Variants in SPATA16 observed in about 807,000 individuals in gnomAD.
SPATA16 encodes spermatogenesis-associated protein 16.
In SPATA16, 36 loss-of-function variants were observed where a neutral mutation model predicts 63.3. The ratio of observed to expected loss-of-function variants is 0.57; its 90% CI spans 0.44 to 0.75. The LOEUF (loss-of-function observed/expected upper bound fraction) is 0.75, where lower values mean the gene tolerates loss of function less well. Among genes scored for constraint, SPATA16 ranks in the 30% least tolerant of loss-of-function variants. SPATA16 has a pLI of 0.00. For missense variants in SPATA16, 646 were observed against 679.3 expected (o/e 0.95, Z 0.54); for synonymous variants, 203 against 216.7 (o/e 0.94, Z 0.56).
chr3:173,135,260 T>C (rs558881312), intron 1 of SPATA16, among the ~76,000 whole-genome samples: 4 of 152,314 alleles, frequency 2.6e-5, no homozygotes, highest in African/African-American at 7.2e-5. Context: ...CACAGGTTGA[T>C]ACCACAGCAA....
chr3:173,125,931 T>C (rs1309771759), intron 1 of SPATA16, among the ~76,000 whole-genome samples: 1 of 152,264 alleles, frequency 6.6e-6, no homozygotes, highest in African/African-American at 2.4e-5. Flanking sequence ...CTTTTTGTTG[T>C]TGTTGTTGCA....
chr3:172,938,681 A>G (rs1390919860), intron 6 of SPATA16, among the ~76,000 whole-genome samples: 4 of 152,220 alleles, frequency 2.6e-5, no homozygotes, highest in Non-Finnish European at 5.9e-5. Context: ...AAAGTAAAGT[A>G]AATAAATAAC....
intron 1 of SPATA16, among the ~76,000 whole-genome samples, chr3:173,127,918 A>G (rs549240801): frequency 2.0e-5 from 3 of 152,312 alleles, no homozygotes; most frequent in African/African-American, 7.2e-5. Flanking sequence ...GCCTGAACCA[A>G]TCTAAACTAT....
intron 2 of SPATA16, among the ~76,000 whole-genome samples, chr3:173,098,785 GA>G (rs1295007292): frequency 6.6e-6 from 1 of 152,040 alleles, no homozygotes; most frequent in African/African-American, 2.4e-5. Context: ...GATAGTAAAG[GA>G]AAAAATTATG....
intron 2 of SPATA16, among the ~76,000 whole-genome samples, chr3:173,078,399 T>C (rs543019275): frequency 1.2e-3 from 178 of 152,254 alleles, no homozygotes; most frequent in Non-Finnish European, 2.1e-3. Context: ...AGAGGACAAA[T>C]GTATTGAAAA....
intron 10 of SPATA16, among the ~76,000 whole-genome samples, chr3:172,898,383 G>A (rs1244200479): frequency 2.6e-5 from 4 of 151,934 alleles, no homozygotes; most frequent in Non-Finnish European, 5.9e-5. Flanking sequence ...GATGTCTGGG[G>A]AGTTTATAAT....
chr3:173,107,470 T>TTA (rs1553803752), intron 2 of SPATA16, among the ~76,000 whole-genome samples: 1 of 151,650 alleles, frequency 6.6e-6, no homozygotes, highest in Non-Finnish European at 1.5e-5. Context: ...TTTTTTTTTT[T>TTA]ACTCCCTAAG....
intron 2 of SPATA16, among the ~76,000 whole-genome samples, chr3:173,095,619 A>G (rs540498792): frequency 1.5e-3 from 233 of 152,260 alleles, no homozygotes; most frequent in Non-Finnish European, 2.6e-3. Context: ...GTTGGGTATC[A>G]TATTTGACTA....
At chr3:173,061,941 T>C (rs1044131703) in intron 2 of SPATA16, among the ~76,000 whole-genome samples, 1 of 152,166 alleles carries the variant, frequency 6.6e-6, no homozygotes, top group Non-Finnish European at 1.5e-5. Flanking sequence ...CTCTATTAAA[T>C]TTATGCCAAA....
At chr3:173,135,012 T>TA (rs1738501358) in intron 1 of SPATA16, among the ~76,000 whole-genome samples, 1 of 152,202 alleles carries the variant, frequency 6.6e-6, no homozygotes, top group Non-Finnish European at 1.5e-5. Flanking sequence ...AACACATCTT[T>TA]AAAAATGAAA....
At chr3:173,136,546 G>A (rs6445104) in intron 1 of SPATA16, among the ~76,000 whole-genome samples, 38,178 of 151,900 alleles carry the variant, frequency 0.25, 6,618 homozygotes, top group African/African-American at 0.5. Flanking sequence ...GTACAGTTAA[G>A]TTATTATTGA....
intron 4 of SPATA16, among the ~76,000 whole-genome samples, chr3:173,011,340 G>C (rs867591144): frequency 6.6e-6 from 1 of 152,130 alleles, no homozygotes; most frequent in Non-Finnish European, 1.5e-5. Flanking sequence ...CACAGAAAAA[G>C]CTTCCAATAA....
intron 6 of SPATA16, among the ~76,000 whole-genome samples, chr3:172,927,704 A>G (rs981977950): frequency 2.4e-4 from 36 of 152,312 alleles, no homozygotes; most frequent in African/African-American, 8.4e-4. Context: ...CTGGATGCCA[A>G]AGTACAAAGG....
intron 2 of SPATA16, among the ~76,000 whole-genome samples, chr3:173,080,247 G>A (rs562700971): frequency 1.3e-5 from 2 of 152,232 alleles, no homozygotes; most frequent in African/African-American, 2.4e-5. Context: ...AGAATCCACC[G>A]AAGTATCTTT....
In SPATA16 at chr3:172,967,578, G is replaced by A. The variant is rs573907524; in HGVS notation, c.933+9390C>T. Among the ~76,000 whole-genome samples, 299 of 152,306 alleles carry A rather than the reference G, an allele frequency of 2.0e-3. 1 individual carries two copies. Among genetic ancestry groups the A allele is most frequent in the African/African-American group, 6.8e-3 (282 of 41,554 alleles). ...TGGTTACAGCCTACTATAGCTCAGA[G>A]ATCCCCAACCAGGCCACAAAGCAGG... On this transcript the variant is annotated intron_variant, in intron 5 of 10. Coordinates refer to ENST00000351008, the MANE Select transcript of SPATA16 (RefSeq NM_031955.6).
chr3:172,944,970 A>C (rs1226589970), intron 6 of SPATA16, among the ~76,000 whole-genome samples: 2 of 152,230 alleles, frequency 1.3e-5, no homozygotes, highest in African/African-American at 4.8e-5. Flanking sequence ...AAAGTGTTTA[A>C]AATGGTACAT....
At chr3:173,011,325 A>G (rs1325542625) in intron 4 of SPATA16, among the ~76,000 whole-genome samples, 1 of 152,256 alleles carries the variant, frequency 6.6e-6, no homozygotes, top group Non-Finnish European at 1.5e-5. Context: ...TATCATCTAA[A>G]TAGACACAGA....
intron 10 of SPATA16, among the ~76,000 whole-genome samples, chr3:172,907,682 T>C (rs1162394181): frequency 1.3e-5 from 2 of 152,092 alleles, no homozygotes; most frequent in Non-Finnish European, 2.9e-5. Context: ...TTCAAGCGAT[T>C]CTTCTGCCTC....
intron 1 of SPATA16, among the ~76,000 whole-genome samples, chr3:173,130,485 C>T (rs1013875378): frequency 6.6e-6 from 1 of 151,820 alleles, no homozygotes; most frequent in Non-Finnish European, 1.5e-5. Context: ...AACCCCTACA[C>T]TGTCCTTCCT....
Sources: allele counts gnomAD v4.1 joint callset (sites outside exome capture counted in the v4.1 genomes callset), GRCh38; gene constraint gnomAD v4.1.1; transcripts MANE v1.5; gene names NCBI Gene and HGNC (gene_info 2026-07-23, HGNC 2026-07-21).